Variants in OPRM1 observed in about 807,000 individuals in gnomAD.
OPRM1 encodes the protein mu-type opioid receptor.
Under a neutral mutation model 31.8 loss-of-function variants are expected in OPRM1, and 27 were observed. The ratio of observed to expected loss-of-function variants is 0.85; its 90% CI spans 0.63 to 1.17. The LOEUF is 1.17. OPRM1 is among the 50% of genes most tolerant of loss of function. OPRM1 has a pLI of 0.00. For synonymous variants in OPRM1, 196 were observed against 189.9 expected, an observed-to-expected ratio of 1.03 and a Z score of -0.26; for missense variants, 536 against 511.1, an observed-to-expected ratio of 1.05 and a Z score of -0.47.
intron 3 of OPRM1, among the ~76,000 whole-genome samples, chr6:154,193,747 CAAG>C (rs2128584085): frequency 6.6e-6 from 1 of 152,346 alleles, no homozygotes; most frequent in African/African-American, 2.4e-5. Context: ...GCCAGACAGA[CAAG>C]GAGGAGAGGC....
At chr6:154,135,851 T>C (rs1025584050), downstream of OPRM1, among the ~76,000 whole-genome samples, 1 of 152,222 alleles carries the variant, frequency 6.6e-6, no homozygotes, top group Non-Finnish European at 1.5e-5. Flanking sequence ...AAACTAGAAA[T>C]GTGTTTTCTG....
intron 1 of OPRM1, among the ~76,000 whole-genome samples, chr6:154,077,063 T>C (rs1453293408): frequency 2.0e-5 from 3 of 152,190 alleles, no homozygotes; most frequent in African/African-American, 4.8e-5. Context: ...ACAAGCCTTT[T>C]CTGTATCTGT....
At chr6:154,058,507 A>G (rs1783774512) in intron 1 of OPRM1, among the ~76,000 whole-genome samples, 1 of 152,228 alleles carries the variant, frequency 6.6e-6, no homozygotes, top group Non-Finnish European at 1.5e-5. Context: ...TTTAGCCCAC[A>G]TGAGAAACAT....
chr6:154,161,399 T>C (rs1019656678), intron 3 of OPRM1, among the ~76,000 whole-genome samples: 1 of 151,968 alleles, frequency 6.6e-6, no homozygotes, highest in Non-Finnish European at 1.5e-5. Flanking sequence ...TTAGTAGAGA[T>C]GGGGTTTCGC....
At chr6:154,137,012 A>G (rs994493984), downstream of OPRM1, among the ~76,000 whole-genome samples, 2 of 152,216 alleles carry the variant, frequency 1.3e-5, no homozygotes, top group Admixed American at 6.5e-5. Context: ...TCATTCCACT[A>G]AGATCTTTAT....
rs1313396660 is a variant in OPRM1, at chr6:154,167,016, G to GA, written c.1164+75545dup. On this transcript the variant is annotated intron_variant, in intron 3 of 3. Coordinates refer to the OPRM1 transcript ENST00000337049. ...TTTTAGGGTGTTCAGATGTTCTACT[G>GA]ACTAACTGGGACGCCTAAGAGCCAC... Among the ~76,000 whole-genome samples, 3 of 152,132 alleles carry GA rather than the reference G, an allele frequency of 2.0e-5. No homozygotes were observed. The East Asian group carries it at 5.8e-4, about 29-fold the overall frequency.
chr6:154,048,605 A>G (rs1781611075), intron 1 of OPRM1, among the ~76,000 whole-genome samples: 1 of 152,220 alleles, frequency 6.6e-6, no homozygotes, highest in South Asian at 2.1e-4. Context: ...ATACTGTACA[A>G]TTCTAAGCTA....
intron 1 of OPRM1, among the ~76,000 whole-genome samples, chr6:154,045,242 TA>T (rs200304788): frequency 2.2e-4 from 32 of 147,384 alleles, no homozygotes; most frequent in East Asian, 7.9e-4. Flanking sequence ...AAAAATAAAT[TA>T]AAAAAAAAAG....
chr6:154,099,159 C>G (rs1014050204), intron 3 of OPRM1, among the ~76,000 whole-genome samples: 14 of 151,962 alleles, frequency 9.2e-5, no homozygotes, highest in Admixed American at 8.5e-4. Context: ...GTGGCATGCA[C>G]CTGTAGGTCT....
At chr6:154,011,926 C>T (rs542915106) in intron 1 of OPRM1, among the ~76,000 whole-genome samples, 2 of 152,210 alleles carry the variant, frequency 1.3e-5, no homozygotes, top group South Asian at 4.1e-4. Context: ...GTCTACTTTC[C>T]AATGAATTCA....
At chr6:154,087,078 C>T in intron 1 of OPRM1, 1 of 984,566 alleles carries the variant, frequency 1.0e-6, no homozygotes, top group Non-Finnish European at 1.2e-6. Flanking sequence ...TTAAATGGCT[C>T]TATCTTTTTC....
intron 3 of OPRM1, 123 bp downstream of exon 3, chr6:154,091,595 T>C: frequency 1.4e-6 from 2 of 1,443,836 alleles, no homozygotes; most frequent in Non-Finnish European, 1.8e-6. Context: ...GGGAAGCAAA[T>C]TGTGGTTCTA....
intron 3 of OPRM1, among the ~76,000 whole-genome samples, chr6:154,187,904 G>C (rs112088569): frequency 1.3e-5 from 2 of 152,160 alleles, no homozygotes; most frequent in Non-Finnish European, 2.9e-5. Context: ...TGATGAAAAA[G>C]TACCTACTTC....
At chr6:154,071,000 G>C (rs6923231) in intron 1 of OPRM1, among the ~76,000 whole-genome samples, 3 of 152,016 alleles carry the variant, frequency 2.0e-5, no homozygotes, top group African/African-American at 7.2e-5. Context: ...GACATTGTAA[G>C]GTGCAAAATA....
chr6:154,185,382 G>T (rs1801247846), intron 3 of OPRM1, among the ~76,000 whole-genome samples: 1 of 152,102 alleles, frequency 6.6e-6, no homozygotes, highest in Non-Finnish European at 1.5e-5. Flanking sequence ...TTTCTAACAG[G>T]TACTTTGTAA....
chr6:154,012,983 G>T lies in OPRM1; in HGVS notation c.-1+1965G>T, dbSNP rs1490698783. 2.6e-5 allele frequency among the ~76,000 whole-genome samples: 4 copies of T among 152,192 alleles called. No homozygotes were observed. In the South Asian group the frequency reaches 6.2e-4, roughly 24 times the overall value. ...CCTGCCAAAGGCTCCATCTCCAAATGCCATTATATTGACGAATAGGGTTTC... is the reference window on the plus strand; with the variant it reads ...CCTGCCAAAGGCTCCATCTCCAAATTCCATTATATTGACGAATAGGGTTTC... On this transcript the variant is annotated intron_variant, in intron 1 of 5. Coordinates refer to the OPRM1 transcript ENST00000434900.
chr6:154,109,996 G>A (rs919077951), intron 3 of OPRM1, among the ~76,000 whole-genome samples: 1 of 152,152 alleles, frequency 6.6e-6, no homozygotes, highest in Non-Finnish European at 1.5e-5. Flanking sequence ...AGTTAGGCAT[G>A]AATCTATTCA....
At chr6:154,091,524 T>C in intron 3 of OPRM1, 52 bp downstream of exon 3, 1 of 1,546,490 alleles carries the variant, frequency 6.5e-7, no homozygotes, top group Non-Finnish European at 8.7e-7. Context: ...ATAAAAATTA[T>C]AAGGCTTTGT....
chr6:154,110,886 C>CAAAAAAA (rs374739553), intron 3 of OPRM1, among the ~76,000 whole-genome samples: 2,319 of 63,148 alleles, frequency 0.037, 255 homozygotes, highest in Middle Eastern at 0.073. Context: ...GACTCCGTCT[C>CAAAAAAA]AAAAAAAAAA....
Sources: allele counts gnomAD v4.1 joint callset (sites outside exome capture counted in the v4.1 genomes callset), GRCh38; gene constraint gnomAD v4.1.1; transcripts MANE v1.5; gene names NCBI Gene and HGNC (gene_info 2026-07-23, HGNC 2026-07-21).